B4GALNT3: variants seen among roughly 807,000 people sequenced by gnomAD.
B4GALNT3 encodes the protein beta-1,4-N-acetylgalactosaminyltransferase 3.
B4GALNT3 carries 86 observed loss-of-function variants against 120.2 expected under a neutral mutation model. That is an observed-to-expected ratio of 0.72 (90% CI 0.60 to 0.86). The LOEUF is 0.86. Among genes scored for constraint, B4GALNT3 ranks in the 40% least tolerant of loss-of-function variants. B4GALNT3 has a pLI of 0.00. For synonymous variants in B4GALNT3, 518 were observed against 510.4 expected (o/e 1.01, Z -0.20); for missense variants, 1,167 against 1,298.9 (o/e 0.90, Z 1.56).
At chr12:527,523 C>T (rs1024675714) in intron 1 of B4GALNT3, among the ~76,000 whole-genome samples, 1 of 152,240 alleles carries the variant, frequency 6.6e-6, no homozygotes, top group Non-Finnish European at 1.5e-5. Context: ...TGGCCGTGAG[C>T]ATCAGCAGGC....
At chr12:472,846 C>G (rs1157858296) in intron 1 of B4GALNT3, among the ~76,000 whole-genome samples, 1 of 152,200 alleles carries the variant, frequency 6.6e-6, no homozygotes, top group African/African-American at 2.4e-5. Context: ...ATCTCCAAAA[C>G]TGCTGGGATT....
intron 1 of B4GALNT3, among the ~76,000 whole-genome samples, chr12:497,837 G>A (rs1162149436): frequency 6.6e-6 from 1 of 152,058 alleles, no homozygotes; most frequent in Non-Finnish European, 1.5e-5. Context: ...GGCTGTTTTT[G>A]TTGCTCTCCT....
chr12:553,898 A>T lies in B4GALNT3; in HGVS notation c.1975A>T (p.Thr659Ser). ...RTDWIDLSCN[T>S]SGNLLLPEQE... ...TGACTGGATCGATCTGAGCTGTAAC[A>T]CATCTGGCAACCTGCTGCTTCCAGA... The change falls in exon 14 of 20, where the codon ACA becomes TCA. Residue 659 changes from threonine (T) to serine (S), a missense_variant. Coordinates refer to ENST00000266383, the MANE Select transcript of B4GALNT3 (RefSeq NM_173593.4). 6.2e-7 allele frequency: 1 copy of T among 1,614,132 alleles called. No individual in the cohort carries two copies.
intron 1 of B4GALNT3, among the ~76,000 whole-genome samples, chr12:510,499 A>AGTTGGCTGGTCTGGG: frequency 6.8e-6 from 1 of 146,938 alleles, no homozygotes. Context: ...CTGGGAGGGA[A>AGTTGGCTGGTCTGGG]ACGGGCCCTT....
intron 1 of B4GALNT3, among the ~76,000 whole-genome samples, chr12:512,769 C>T (rs1169679412): frequency 2.3e-5 from 3 of 131,650 alleles, no homozygotes; most frequent in South Asian, 2.6e-4. Context: ...TTCCGCCTTC[C>T]GCCTTCTGCC....
chr12:537,978 G>A (rs1274944226), intron 3 of B4GALNT3, among the ~76,000 whole-genome samples: 1 of 152,052 alleles, frequency 6.6e-6, no homozygotes, highest in African/African-American at 2.4e-5. Flanking sequence ...TACAATGCTG[G>A]CACACCTGCA....
chr12:469,552 T>G (rs1946114834), intron 1 of B4GALNT3, among the ~76,000 whole-genome samples: 1 of 152,128 alleles, frequency 6.6e-6, no homozygotes, highest in South Asian at 2.1e-4. Flanking sequence ...TACACATTCT[T>G]CAATCACTTT....
rs113927220 is a variant in B4GALNT3, at chr12:551,986, C to T, written c.1108-77C>T. ...AGCCCTATGTGATCCCAGCCAGGGG[C>T]AGGCTTAACCCTGGCTGGCTGATTT... On this transcript the variant is annotated intron_variant, in intron 11 of 19. Transcript: ENST00000266383. 136 of 1,132,496 alleles carry T rather than the reference C, an allele frequency of 1.2e-4. 5 individuals carry two copies. Among genetic ancestry groups the T allele is most frequent in the Middle Eastern group, 1.2e-3 (6 of 5,112 alleles). The allele number at this position is 1,132,496 out of a possible 1,614,324, so 70.2% of individuals were successfully genotyped here.
Position 563,185 on chromosome 12 carries a change from C to A in B4GALNT3, c.*1734C>A, listed in dbSNP as rs1052454. ...CTGGAGAAGGATGGTGGGGCATAGGCTAGGGCTGCAGTTGGCCAGTGGGGC... is the reference window on the plus strand; with the variant it reads ...CTGGAGAAGGATGGTGGGGCATAGGATAGGGCTGCAGTTGGCCAGTGGGGC... On this transcript the variant is annotated 3_prime_UTR_variant, in exon 20 of 20. Transcript: ENST00000266383. 0.28 allele frequency: 43,091 copies of A among 152,600 alleles called. 6,821 individuals carry two copies. Among genetic ancestry groups the A allele is most frequent in the South Asian group, 0.39 (1,891 of 4,842 alleles). 9.5% of individuals were successfully genotyped at this position (152,600 alleles called of 1,614,324 possible).
intron 1 of B4GALNT3, among the ~76,000 whole-genome samples, chr12:524,251 C>G (rs740890): frequency 0.17 from 25,234 of 152,178 alleles, 3,546 homozygotes; most frequent in East Asian, 0.41. Flanking sequence ...TCATACATGC[C>G]TTCTCCGTCC....
chr12:491,626 G>C (rs1395649759), intron 1 of B4GALNT3, among the ~76,000 whole-genome samples: 2 of 151,696 alleles, frequency 1.3e-5, no homozygotes, highest in African/African-American at 4.8e-5. Flanking sequence ...ACCACACCCA[G>C]CCTGATTTGT....
rs1306776254 is a variant in B4GALNT3, at chr12:461,635, C to T, written c.169+1090C>T. On this transcript the variant is annotated intron_variant, in intron 1 of 19. Coordinates refer to ENST00000266383, the MANE Select transcript of B4GALNT3 (RefSeq NM_173593.4). ...GGGAAACTCGGACAGAGTGGCTGAG[C>T]AAGCAGCTGAGAAGATACTCTGACT... 5.9e-5 allele frequency among the ~76,000 whole-genome samples: 9 copies of T among 152,328 alleles called. No homozygotes were observed. In the South Asian group the frequency reaches 1.7e-3, roughly 28 times the overall value.
chr12:544,530 T>A, intron 4 of B4GALNT3, 96 bp downstream of exon 4: 1 of 1,139,666 alleles, frequency 8.8e-7, no homozygotes, highest in Non-Finnish European at 1.3e-6. Flanking sequence ...TTCTGGTCCA[T>A]ATTTTCTCCT....
Position 558,565 on chromosome 12 carries a change from A to C in B4GALNT3, c.2665A>C (p.Ile889Leu). The change falls in exon 18 of 20, where the codon ATC becomes CTC. Residue 889 changes from isoleucine to leucine, a missense_variant. By Grantham distance (5) the Ile-to-Leu change is conservative (BLOSUM62 2). Around this residue, in one of 3 missense-constraint regions of B4GALNT3, gnomAD observed 983 missense variants for 1,102.5 expected, o/e 0.89. Coordinates refer to ENST00000266383, the MANE Select transcript of B4GALNT3 (RefSeq NM_173593.4). The part of the protein sequence containing the change: ...DLHIHFPAGV[I>L]DAIRKHCVEG... ...CCACATCCACTTCCCAGCTGGAGTC[A>C]TCGATGCCATTCGGAAGCACTGTGT... 6.2e-7 allele frequency: 1 copy of C among 1,614,182 alleles called. No individual in the cohort carries two copies. Among genetic ancestry groups the C allele is most frequent in the Non-Finnish European group, 8.5e-7 (1 of 1,180,014 alleles).
At chr12:521,354 A>G (rs1946707183) in intron 1 of B4GALNT3, among the ~76,000 whole-genome samples, 1 of 152,192 alleles carries the variant, frequency 6.6e-6, no homozygotes, top group Admixed American at 6.5e-5. Flanking sequence ...CTAAGCAGAG[A>G]CACACTGAGG....
intron 1 of B4GALNT3, among the ~76,000 whole-genome samples, chr12:520,363 C>T (rs11063378): frequency 0.19 from 28,889 of 152,098 alleles, 2,850 homozygotes; most frequent in Non-Finnish European, 0.22. Context: ...ATGTAACTGG[C>T]CTGGTTTTCC....
At position 480,190 on chromosome 12, in the gene B4GALNT3, C is replaced by T. The variant is rs537777615; in HGVS notation, c.169+19645C>T. ...TCGGCCTCCCAAAGTGCTGAGATTA[C>T]AGGCGTGAGCCACCGCGCCCGGCCA... On this transcript the variant is annotated intron_variant, in intron 1 of 19. Coordinates refer to ENST00000266383, the MANE Select transcript of B4GALNT3 (RefSeq NM_173593.4). Among the ~76,000 whole-genome samples the T allele has an allele frequency of 2.7e-5, 4 of 149,248 alleles. No homozygotes were observed. In the East Asian group the frequency reaches 6.2e-4, roughly 23 times the overall value.
intron 1 of B4GALNT3, among the ~76,000 whole-genome samples, chr12:530,316 C>G (rs555438355): frequency 6.6e-6 from 1 of 152,192 alleles, no homozygotes; most frequent in South Asian, 2.1e-4. Context: ...TTTATACTTA[C>G]GTGAGAACTT....
At chr12:485,479 T>G (rs1317533344) in intron 1 of B4GALNT3, among the ~76,000 whole-genome samples, 1 of 152,150 alleles carries the variant, frequency 6.6e-6, no homozygotes, top group East Asian at 1.9e-4. Context: ...TGGGGTGGTG[T>G]TTACAGATGT....
Sources: allele counts gnomAD v4.1 joint callset (sites outside exome capture counted in the v4.1 genomes callset), GRCh38; gene constraint gnomAD v4.1.1; regional missense constraint gnomAD v4.1.1; transcripts MANE v1.5; gene names NCBI Gene and HGNC (gene_info 2026-07-23, HGNC 2026-07-21).